The following ANKIB1 variants were observed in gnomAD, a reference collection of about 807,000 sequenced individuals.
ANKIB1 encodes ankyrin repeat and IBR domain-containing protein 1.
Under a neutral mutation model 122.1 loss-of-function variants are expected in ANKIB1, and 43 were observed. The observed-to-expected ratio is 0.35, with a 90% confidence interval of 0.28 to 0.45. The LOEUF is 0.45. Among genes scored for constraint, ANKIB1 ranks in the 20% least tolerant of loss-of-function variants. The pLI is 1.00. For synonymous variants in ANKIB1, 390 were observed against 442.0 expected, an observed-to-expected ratio of 0.88 and a Z score of 1.48; for missense variants, 992 against 1,329.5, an observed-to-expected ratio of 0.75 and a Z score of 3.95.
intron 11 of ANKIB1, among the ~76,000 whole-genome samples, chr7:92,373,165 T>G (rs1229764826): frequency 6.6e-6 from 1 of 152,164 alleles, no homozygotes; most frequent in Non-Finnish European, 1.5e-5. Context: ...TTCAAAAGTG[T>G]TATTTATTGT....
At chr7:92,377,765 A>G (rs1212890805) in intron 11 of ANKIB1, among the ~76,000 whole-genome samples, 3 of 152,182 alleles carry the variant, frequency 2.0e-5, no homozygotes, top group Non-Finnish European at 4.4e-5. Flanking sequence ...CTGATCCTAG[A>G]AGAGATAGAG....
chr7:92,304,745 G>A (rs1802524490), intron 2 of ANKIB1, among the ~76,000 whole-genome samples: 1 of 151,860 alleles, frequency 6.6e-6, no homozygotes, highest in Non-Finnish European at 1.5e-5. Context: ...TTTAATTTTG[G>A]CTATCCACTA....
At chr7:92,272,785 T>C (rs1801823976) in intron 1 of ANKIB1, among the ~76,000 whole-genome samples, 1 of 152,192 alleles carries the variant, frequency 6.6e-6, no homozygotes, top group Non-Finnish European at 1.5e-5. Flanking sequence ...AATACATCAT[T>C]AGATGATTTT....
chr7:92,399,049 G>T lies in ANKIB1; in HGVS notation c.*100G>T. On this transcript the variant is annotated 3_prime_UTR_variant, in exon 20 of 20. Transcript: ENST00000265742. ...TTGATTCACTTAATTCCAACTCAGT[G>T]ATAAACCACTGACATTAGGGTTGAA... 4 of 1,337,010 alleles carry T rather than the reference G, an allele frequency of 3.0e-6. No individual in the cohort carries two copies. The South Asian group carries it at 7.2e-5, about 24-fold the overall frequency. The allele number at this position is 1,337,010 out of a possible 1,614,324, so 82.8% of individuals were successfully genotyped here.
At chr7:92,394,853 ACTT>A (rs1180876464) in intron 17 of ANKIB1, among the ~76,000 whole-genome samples, 2 of 152,324 alleles carry the variant, frequency 1.3e-5, no homozygotes, top group South Asian at 2.1e-4. Flanking sequence ...GATGCCTCCC[ACTT>A]CTTAAGAGTC....
chr7:92,304,953 G>T (rs1159688334), intron 2 of ANKIB1, among the ~76,000 whole-genome samples: 2 of 152,140 alleles, frequency 1.3e-5, no homozygotes, highest in Non-Finnish European at 2.9e-5. Flanking sequence ...TCAGAAGATT[G>T]AGAAGGGAAA....
rs769196499 is a variant in ANKIB1, at chr7:92,352,494, C to T, written c.1249C>T (p.Pro417Ser). ...TAAACAGGCCTTTGTTGAAAATAATCCTGCCATTAAATGGTGTCCTACTCC... is the reference window on the plus strand; with the variant it reads ...TAAACAGGCCTTTGTTGAAAATAATTCTGCCATTAAATGGTGTCCTACTCC... ...FDIKAFVENN[P>S]AIKWCPTPGC... is the part of the protein sequence containing the mutation. Residue 417 changes from proline to serine, a missense_variant, in exon 9 of 20, where the codon CCT becomes TCT. This residue lies in a region of ANKIB1 where 521 missense variants were observed against 777.7 expected (regional missense o/e 0.67). Coordinates refer to ENST00000265742, the MANE Select transcript of ANKIB1 (RefSeq NM_019004.2). 5 of 1,612,564 alleles carry T rather than the reference C, an allele frequency of 3.1e-6. No homozygotes were observed. Among genetic ancestry groups the T allele is most frequent in the South Asian group, 1.1e-5 (1 of 90,624 alleles).
intron 4 of ANKIB1, among the ~76,000 whole-genome samples, chr7:92,324,714 G>A (rs1268935491): frequency 6.6e-6 from 1 of 152,184 alleles, no homozygotes; most frequent in East Asian, 1.9e-4. Flanking sequence ...AAGGTGAAAT[G>A]TATATTTCAG....
chr7:92,342,973 A>T, intron 5 of ANKIB1, 51 bp from the exon 6 acceptor site: 1 of 1,530,132 alleles, frequency 6.5e-7, no homozygotes, highest in South Asian at 1.1e-5. Context: ...AGCTTTTATA[A>T]CATTACCATA....
At chr7:92,344,387 T>A (rs936467289) in intron 6 of ANKIB1, among the ~76,000 whole-genome samples, 4 of 151,812 alleles carry the variant, frequency 2.6e-5, no homozygotes, top group African/African-American at 9.7e-5. Flanking sequence ...GTATTTTTGG[T>A]AGAGACAGGG....
At chr7:92,383,056 G>T (rs1428357272) in intron 11 of ANKIB1, among the ~76,000 whole-genome samples, 1 of 152,040 alleles carries the variant, frequency 6.6e-6, no homozygotes, top group Non-Finnish European at 1.5e-5. Context: ...TGATAAAGGG[G>T]ATATCACCAC....
At chr7:92,309,939 AAAAATATAT>A (rs1802652216) in intron 3 of ANKIB1, among the ~76,000 whole-genome samples, 1 of 132,282 alleles carries the variant, frequency 7.6e-6, no homozygotes, top group African/African-American at 2.9e-5. Context: ...AAAAAAAAAA[AAAAATATAT>A]ATATATATAT....
At chr7:92,368,157 A>T (rs1479145255) in intron 10 of ANKIB1, among the ~76,000 whole-genome samples, 33 of 151,900 alleles carry the variant, frequency 2.2e-4, no homozygotes, top group Admixed American at 2.2e-3. Flanking sequence ...CTCTATTTCT[A>T]AAAAAAATTA....
intron 16 of ANKIB1, among the ~76,000 whole-genome samples, chr7:92,391,915 C>T (rs1490896819): frequency 6.6e-6 from 1 of 152,068 alleles, no homozygotes; most frequent in Non-Finnish European, 1.5e-5. Context: ...ATTCCTTTGG[C>T]ACTATTTTAC....
chr7:92,370,025 AT>A (rs1263822449), intron 10 of ANKIB1, among the ~76,000 whole-genome samples: 21 of 152,328 alleles, frequency 1.4e-4, no homozygotes, highest in African/African-American at 4.6e-4. Context: ...TATAAGTTTG[AT>A]TAGGGATGGA....
chr7:92,325,901 A>T, intron 4 of ANKIB1: 1 of 437,868 alleles, frequency 2.3e-6, no homozygotes, highest in South Asian at 1.6e-5. Context: ...TTTTTAATTT[A>T]GTTTTCTTTT....
chr7:92,300,024 C>G (rs1367004519), intron 2 of ANKIB1, among the ~76,000 whole-genome samples: 1 of 152,064 alleles, frequency 6.6e-6, no homozygotes, highest in Non-Finnish European at 1.5e-5. Context: ...GCAGATAGAT[C>G]TTGAACTCCT....
At chr7:92,386,251 T>C (rs577160105) in intron 11 of ANKIB1, among the ~76,000 whole-genome samples, 1 of 152,308 alleles carries the variant, frequency 6.6e-6, no homozygotes, top group East Asian at 1.9e-4. Flanking sequence ...GAATGGTTCC[T>C]TGTGATTACT....
chr7:92,282,521 C>T (rs1220375808), intron 1 of ANKIB1, among the ~76,000 whole-genome samples: 1 of 152,122 alleles, frequency 6.6e-6, no homozygotes, highest in African/African-American at 2.4e-5. Context: ...ATAAACCCTT[C>T]CAGTTTAACA....
Sources: allele counts gnomAD v4.1 joint callset (sites outside exome capture counted in the v4.1 genomes callset), GRCh38; gene constraint gnomAD v4.1.1; regional missense constraint gnomAD v4.1.1; transcripts MANE v1.5; gene names NCBI Gene and HGNC (gene_info 2026-07-23, HGNC 2026-07-21).